Variants in PAK1 observed in about 807,000 individuals in gnomAD.
PAK1 encodes p21 (RAC1) activated kinase 1, also known as serine/threonine-protein kinase PAK 1.
Under a neutral mutation model 67.4 loss-of-function variants are expected in PAK1, and 29 were observed. The observed-to-expected ratio is 0.43, with a 90% confidence interval of 0.32 to 0.59. The LOEUF is 0.59. Ranked by LOEUF, PAK1 falls within the 20% of genes least tolerant of loss-of-function variation. The pLI, the probability that PAK1 is intolerant of heterozygous loss-of-function variation, is 0.07. For missense variants in PAK1, 337 were observed against 670.7 expected, an observed-to-expected ratio of 0.50 and a Z score of 5.50; for synonymous variants, 223 against 237.4, an observed-to-expected ratio of 0.94 and a Z score of 0.56.
rs576143064 is a variant in PAK1 at position 77,433,554 on chromosome 11, C to T, written c.-22+39998G>A. On this transcript the variant is annotated intron_variant, in intron 1 of 14. Transcript: ENST00000356341. ...CAGCACTTTGGGGGGCCGAGGCAGG[C>T]GGATCATGAGGTCAGGAGATCAAGA... Among the ~76,000 whole-genome samples, 37 of 152,152 alleles carry T rather than the reference C, an allele frequency of 2.4e-4. 1 individual carries two copies. The highest frequency in any genetic ancestry group is 6.2e-4 in the South Asian group (3 of 4,820).
chr11:77,524,679 G>C, the PAK1 span, among the ~76,000 whole-genome samples: 1 of 152,220 alleles, frequency 6.6e-6, no homozygotes, highest in Non-Finnish European at 1.5e-5. Flanking sequence ...CTTAAGGCCT[G>C]AGTCATACTG....
intron 2 of PAK1, among the ~76,000 whole-genome samples, chr11:77,385,220 A>G (rs1950303885): frequency 6.6e-6 from 1 of 152,204 alleles, no homozygotes; most frequent in African/African-American, 2.4e-5. Flanking sequence ...CAGTGCAATT[A>G]GGCAAGAAAA....
intron 1 of PAK1, among the ~76,000 whole-genome samples, chr11:77,465,296 T>C (rs1249060799): frequency 6.6e-6 from 1 of 152,196 alleles, no homozygotes; most frequent in Non-Finnish European, 1.5e-5. Context: ...AGATTCCAGT[T>C]TGTAACTTCC....
At chr11:77,405,489 TA>T (rs1953351302) in intron 1 of PAK1, among the ~76,000 whole-genome samples, 1 of 151,590 alleles carries the variant, frequency 6.6e-6, no homozygotes, top group Non-Finnish European at 1.5e-5. Flanking sequence ...GGGAGAGAAG[TA>T]ATTCAAAGGC....
intron 2 of PAK1, among the ~76,000 whole-genome samples, chr11:77,381,513 A>G (rs17135612): frequency 0.019 from 2,846 of 152,352 alleles, 88 homozygotes; most frequent in African/African-American, 0.064. Flanking sequence ...GGCTCTTCAC[A>G]TTCTATTTTA....
the PAK1 span, among the ~76,000 whole-genome samples, chr11:77,523,418 T>C: frequency 6.7e-6 from 1 of 148,328 alleles, no homozygotes; most frequent in Non-Finnish European, 1.5e-5. Context: ...CTATGCTTTC[T>C]ACTTTTTTTT....
At chr11:77,513,562 T>C in the PAK1 span, among the ~76,000 whole-genome samples, 1 of 148,616 alleles carries the variant, frequency 6.7e-6, no homozygotes, top group Non-Finnish European at 1.5e-5. Context: ...TCCCAGCTTC[T>C]AGGGAGTCTG....
At chr11:77,357,852 T>C (rs1217512073) in intron 6 of PAK1, among the ~76,000 whole-genome samples, 1 of 152,160 alleles carries the variant, frequency 6.6e-6, no homozygotes, top group African/African-American at 2.4e-5. Context: ...AATACATACA[T>C]ATGGATTTCC....
intron 4 of PAK1, among the ~76,000 whole-genome samples, chr11:77,376,222 A>G (rs1272444728): frequency 6.6e-6 from 1 of 152,184 alleles, no homozygotes; most frequent in Non-Finnish European, 1.5e-5. Flanking sequence ...CTCCCTTTAA[A>G]GGTGATGAAC....
the PAK1 span, among the ~76,000 whole-genome samples, chr11:77,493,732 A>G: frequency 6.6e-6 from 1 of 151,980 alleles, no homozygotes; most frequent in African/African-American, 2.4e-5. Context: ...TAACCTCCAC[A>G]ACACCCCTAT....
chr11:77,439,799 A>G lies in PAK1; in HGVS notation c.-22+33753T>C, dbSNP rs748291402. Reference sequence around the variant, plus strand: ...ATTGTCAAGGAAATTTAAATTGTCAAGAACCATCAGGTGCCTGGGTCTGTA... The same window carrying G: ...ATTGTCAAGGAAATTTAAATTGTCAGGAACCATCAGGTGCCTGGGTCTGTA... On this transcript the variant is annotated intron_variant, in intron 1 of 14. Transcript: ENST00000356341. Among the ~76,000 whole-genome samples, 4 of 152,142 alleles carry G rather than the reference A, an allele frequency of 2.6e-5. No homozygotes were observed. The South Asian group carries it at 8.3e-4, about 32-fold the overall frequency.
chr11:77,337,106 A>G (rs1046332636), intron 12 of PAK1, among the ~76,000 whole-genome samples: 1 of 151,834 alleles, frequency 6.6e-6, no homozygotes, highest in African/African-American at 2.4e-5. Context: ...ACCATTCAGC[A>G]AAGTTTTTTG....
Position 77,355,943 on chromosome 11 carries a change from A to G in PAK1, c.598-101T>C, listed in dbSNP as rs958201631. 6.1e-5 allele frequency: 43 copies of G among 699,432 alleles called. No homozygotes were observed. The Middle Eastern group carries it at 7.7e-4, about 12-fold the overall frequency. The allele number at this position is 699,432 out of a possible 1,614,324, so 43.3% of individuals were successfully genotyped here. A position where few individuals can be genotyped will look rare whatever the true frequency, so the allele number is the denominator to read the frequency against. On this transcript the variant is annotated intron_variant, in intron 6 of 14. Transcript: ENST00000356341. The stretch of plus-strand genomic sequence containing the variant: ...GAACATCCACAGAGCAAACCCCAAT[A>G]AACTCATCCTTTCTCTTATGTCAAA...
At chr11:77,425,897 A>T (rs902448453) in intron 1 of PAK1, among the ~76,000 whole-genome samples, 1 of 152,106 alleles carries the variant, frequency 6.6e-6, no homozygotes, top group Non-Finnish European at 1.5e-5. Context: ...TGAGCCCACA[A>T]GTTCAAGGCT....
intron 2 of PAK1, among the ~76,000 whole-genome samples, chr11:77,381,846 A>G (rs982651169): frequency 6.6e-6 from 1 of 152,176 alleles, no homozygotes; most frequent in African/African-American, 2.4e-5. Flanking sequence ...GCCAAGTGCT[A>G]GGGTTTAAGC....
intron 1 of PAK1, among the ~76,000 whole-genome samples, chr11:77,410,584 G>A (rs866720400): frequency 1.3e-5 from 2 of 151,990 alleles, no homozygotes; most frequent in Non-Finnish European, 1.5e-5. Context: ...CTAATCAAGA[G>A]GGGGAGGATC....
At chr11:77,529,150 G>A in the PAK1 span, among the ~76,000 whole-genome samples, 2 of 152,108 alleles carry the variant, frequency 1.3e-5, no homozygotes, top group Non-Finnish European at 2.9e-5. Context: ...ATGGGATGTA[G>A]GTCTCAAAAA....
At chr11:77,333,194 CTTTTTTTT>C (rs886805892) in intron 13 of PAK1, among the ~76,000 whole-genome samples, 2 of 127,154 alleles carry the variant, frequency 1.6e-5, no homozygotes, top group Non-Finnish European at 3.4e-5. Flanking sequence ...TCTTCTTCTT[CTTTTTTTT>C]TTTTTTTTTT....
the PAK1 span, among the ~76,000 whole-genome samples, chr11:77,490,428 C>A: frequency 6.7e-6 from 1 of 149,654 alleles, no homozygotes; most frequent in African/African-American, 2.5e-5. Context: ...CCCCTCTGCC[C>A]GGCCAGCCGC....
Sources: gnomAD v4.1 joint callset for allele counts (sites outside exome capture counted in the v4.1 genomes callset) on GRCh38, gnomAD v4.1.1 for gene constraint, MANE v1.5 for transcripts, NCBI Gene and HGNC (gene_info 2026-07-23, HGNC 2026-07-21) for gene names.